SYT2: variants seen among roughly 807,000 people sequenced by gnomAD.
SYT2 encodes the protein synaptotagmin 2, also known as synaptotagmin-2.
In SYT2, 15 loss-of-function variants were observed where a neutral mutation model predicts 39.9. The ratio of observed to expected loss-of-function variants is 0.38; its 90% CI spans 0.25 to 0.58. The LOEUF (loss-of-function observed/expected upper bound fraction) is 0.58. Ranked by LOEUF, SYT2 falls within the 20% of genes least tolerant of loss-of-function variation. The pLI is 0.70. For missense variants in SYT2, 389 were observed against 530.3 expected, an observed-to-expected ratio of 0.73 and a Z score of 2.62; for synonymous variants, 181 against 204.5, an observed-to-expected ratio of 0.89 and a Z score of 0.98.
At position 202,640,786 on chromosome 1, in the gene SYT2, GAGAGAGACAGAC is replaced by G. The variant is rs1558443979; in HGVS notation, c.-17-35009_-17-34998del. Among the ~76,000 whole-genome samples the G allele has an allele frequency of 8.8e-4, 105 of 118,700 alleles. 1 individual carries two copies. The highest frequency in any genetic ancestry group is 1.9e-3 in the Admixed American group (23 of 12,028). 77.9% of individuals were successfully genotyped at this position (118,700 alleles called of 152,430 possible). A position where few individuals can be genotyped will look rare whatever the true frequency, so the allele number is the denominator to read the frequency against. The stretch of plus-strand genomic sequence containing the variant: ...AGAGAGAGAGAGAGAGAGAGAGAGA[GAGAGAGACAGAC>G]AGACAGAGAGACAGAGAGACAGTGA... On this transcript the variant is annotated intron_variant, in intron 1 of 8. Transcript: ENST00000367268.
At position 202,593,268 on chromosome 1, in the gene SYT2, G is replaced by A. The variant is rs1048126761; in HGVS notation, c.*3489C>T. On this transcript the variant is annotated 3_prime_UTR_variant, in exon 9 of 9. Coordinates refer to ENST00000367268, the MANE Select transcript of SYT2 (RefSeq NM_177402.5). ...TTATGAATTAACCTAGGACATTAAG[G>A]GAACATGGAAGCTCTCACTCCCCAA... 3.9e-5 allele frequency: 6 copies of A among 152,120 alleles called. No homozygotes were observed. The highest frequency in any genetic ancestry group is 1.4e-4 in the African/African-American group (6 of 41,390). The allele number at this position is 152,120 out of a possible 1,614,324, so 9.4% of individuals were successfully genotyped here.
At chr1:202,643,144 G>A (rs1167140145) in intron 1 of SYT2, 1 of 152,368 alleles carries the variant, frequency 6.6e-6, no homozygotes, top group Non-Finnish European at 1.5e-5. Context: ...CCAAAAGTCG[G>A]AGTGTCACCG....
At chr1:202,667,044 A>T (rs1251728168) in intron 1 of SYT2, among the ~76,000 whole-genome samples, 1 of 152,198 alleles carries the variant, frequency 6.6e-6, no homozygotes, top group Non-Finnish European at 1.5e-5. Context: ...TCTCTTTCCC[A>T]TATAAAGGAT....
intron 1 of SYT2, among the ~76,000 whole-genome samples, chr1:202,653,670 G>C (rs774865572): frequency 1.3e-5 from 2 of 152,234 alleles, no homozygotes; most frequent in Non-Finnish European, 2.9e-5. Context: ...CAGGGAAACA[G>C]AGACTGGGCG....
chr1:202,603,893 A>C (rs1035771920), intron 3 of SYT2, among the ~76,000 whole-genome samples: 1 of 152,110 alleles, frequency 6.6e-6, no homozygotes, highest in South Asian at 2.1e-4. Context: ...CCAAACAAAC[A>C]TGGGGGAAAT....
intron 1 of SYT2, among the ~76,000 whole-genome samples, chr1:202,633,671 A>T (rs568986831): frequency 1.3e-5 from 2 of 152,158 alleles, no homozygotes; most frequent in African/African-American, 4.8e-5. Flanking sequence ...GAAACTTAGG[A>T]TCAATTGTTA....
rs1340128946 is a variant in SYT2, at chr1:202,607,851, C to T, written c.-17-2062G>A. ...CTTCCGCCATGTCCATCTCCCCTCA[C>T]TTCTACCACACTGTTCAGGGCTCTG... is the stretch of plus-strand genomic sequence containing the variant. On this transcript the variant is annotated intron_variant, in intron 1 of 8. Coordinates refer to ENST00000367268, the MANE Select transcript of SYT2 (RefSeq NM_177402.5). Among the ~76,000 whole-genome samples the T allele has an allele frequency of 3.3e-5, 5 of 152,080 alleles. No homozygotes were observed. The East Asian group carries it at 9.7e-4, about 29-fold the overall frequency.
intron 1 of SYT2, among the ~76,000 whole-genome samples, chr1:202,678,461 C>T (rs984992833): frequency 1.3e-5 from 2 of 151,980 alleles, no homozygotes; most frequent in African/African-American, 4.8e-5. Flanking sequence ...CTCTCCAACT[C>T]TCCACCTCTT....
chr1:202,686,275 T>C (rs1277070178), intron 1 of SYT2, among the ~76,000 whole-genome samples: 2 of 152,150 alleles, frequency 1.3e-5, no homozygotes, highest in African/African-American at 4.8e-5. Context: ...GAAACCTCTT[T>C]TCTTATAAAT....
Position 202,614,681 on chromosome 1 carries a change from A to G in SYT2, c.-17-8892T>C, listed in dbSNP as rs1690982810. Among the ~76,000 whole-genome samples the G allele has an allele frequency of 6.6e-6, 1 of 152,246 alleles. No homozygotes were observed. The highest frequency in any genetic ancestry group is 2.1e-4 in the South Asian group (1 of 4,836). On this transcript the variant is annotated intron_variant, in intron 1 of 8. Coordinates refer to ENST00000367268, the MANE Select transcript of SYT2 (RefSeq NM_177402.5). This position sits in a 1 kb window ranked among gnomAD's most constrained non-coding sequence, Gnocchi z 4.0. ...TCTTGAAAAATTGATGATTGAACTG[A>G]GACCTGAAGGGTGAGTATTTATCCA...
At chr1:202,645,077 G>C (rs1001860921) in intron 1 of SYT2, among the ~76,000 whole-genome samples, 1 of 152,156 alleles carries the variant, frequency 6.6e-6, no homozygotes, top group African/African-American at 2.4e-5. Context: ...TTCATGTGTG[G>C]GCTGGGGGAG....
intron 1 of SYT2, among the ~76,000 whole-genome samples, chr1:202,678,604 C>T (rs1369647411): frequency 1.3e-5 from 2 of 152,240 alleles, no homozygotes; most frequent in East Asian, 1.9e-4. Context: ...TGGGGCTTCC[C>T]CCCTCCCTAT....
intron 1 of SYT2, among the ~76,000 whole-genome samples, chr1:202,610,579 G>A (rs1365826314): frequency 3.9e-5 from 6 of 152,080 alleles, no homozygotes; most frequent in Admixed American, 6.6e-5. Context: ...AAACCCCATC[G>A]TCTCAGCCCA....
chr1:202,645,215 C>G (rs921273432), intron 1 of SYT2, among the ~76,000 whole-genome samples: 1 of 152,192 alleles, frequency 6.6e-6, no homozygotes, highest in Non-Finnish European at 1.5e-5. Flanking sequence ...GGTTTCCCCC[C>G]ACTCTGCTAC....
chr1:202,612,995 G>C (rs1271899523), intron 1 of SYT2, among the ~76,000 whole-genome samples: 1 of 150,220 alleles, frequency 6.7e-6, no homozygotes, highest in Non-Finnish European at 1.5e-5. Flanking sequence ...TTCGTTGCTA[G>C]TGTATAGCAA....
At chr1:202,690,984 A>C (rs1199906796) in intron 1 of SYT2, among the ~76,000 whole-genome samples, 1 of 152,108 alleles carries the variant, frequency 6.6e-6, no homozygotes, top group African/African-American at 2.4e-5. Context: ...TTGAGGTTTA[A>C]GCCTCCAGTT....
At chr1:202,664,692 C>T (rs1382647340) in intron 1 of SYT2, among the ~76,000 whole-genome samples, 5 of 152,214 alleles carry the variant, frequency 3.3e-5, no homozygotes, top group African/African-American at 1.2e-4. Context: ...CAGAGTCTTA[C>T]TCTGTTGCCC....
chr1:202,636,411 C>T (rs773353873), intron 1 of SYT2: 33 of 984,972 alleles, frequency 3.4e-5, no homozygotes, highest in Non-Finnish European at 3.4e-5. Context: ...CCTGTGCATC[C>T]GCTAGGCTCA....
rs201729091 is a variant in SYT2 at position 202,603,138 on chromosome 1, G to A, written c.346-20C>T. The A allele has an allele frequency of 4.3e-6, 7 of 1,613,918 alleles. No individual in the cohort carries two copies. In the East Asian group the frequency reaches 1.6e-4, roughly 36 times the overall value. On this transcript the variant is annotated intron_variant, in intron 3 of 8. Transcript: ENST00000367268. ...GTCATCCTGTGGGAGCTGGGGGAGA[G>A]AGGGAACAAGTTAAAAGGGGAGGAC...
Sources: allele counts gnomAD v4.1 joint callset (sites outside exome capture counted in the v4.1 genomes callset), GRCh38; gene constraint gnomAD v4.1.1; non-coding constraint Gnocchi (gnomAD v3.1); transcripts MANE v1.5; gene names NCBI Gene and HGNC (gene_info 2026-07-23, HGNC 2026-07-21).